The following SLC1A7 variants were observed in gnomAD, a reference collection of about 807,000 sequenced individuals.
SLC1A7 encodes solute carrier family 1 member 7.
SLC1A7 carries 40 observed loss-of-function variants against 47.7 expected under a neutral mutation model. The ratio of observed to expected loss-of-function variants is 0.84; its 90% CI spans 0.65 to 1.09. The LOEUF (loss-of-function observed/expected upper bound fraction) is 1.09. Among genes scored for constraint, SLC1A7 ranks in the 50% least tolerant of loss-of-function variants. SLC1A7 has a pLI of 0.00. For synonymous variants in SLC1A7, 323 were observed against 325.6 expected (o/e 0.99, Z 0.09); for missense variants, 746 against 769.5 (o/e 0.97, Z 0.36).
intron 4 of SLC1A7, among the ~76,000 whole-genome samples, chr1:53,104,609 T>C (rs1644618995): frequency 6.6e-6 from 1 of 152,150 alleles, no homozygotes; most frequent in African/African-American, 2.4e-5. Context: ...CAATAGAAAC[T>C]CCCTAGCCTA....
At chr1:53,134,790 T>C (rs1416808768) in intron 1 of SLC1A7, among the ~76,000 whole-genome samples, 2 of 152,088 alleles carry the variant, frequency 1.3e-5, no homozygotes, top group South Asian at 2.1e-4. Context: ...CTGAACCCTG[T>C]GGACGTTGTT....
At chr1:53,140,160 G>A (rs1199996539) in intron 1 of SLC1A7, among the ~76,000 whole-genome samples, 2 of 152,150 alleles carry the variant, frequency 1.3e-5, no homozygotes, top group Non-Finnish European at 2.9e-5. Flanking sequence ...CCAAATAATT[G>A]TTCTAAGCCT....
rs1572350284 is a variant in SLC1A7, at chr1:53,134,554, A to G, written c.136-125T>C. ...TGTCTAGCACATGGCAGCAGAGACC[A>G]TGGAGAAAGAACTGGCTTTGGAGCC... On this transcript the variant is annotated intron_variant, in intron 1 of 10. Transcript: ENST00000371494. 4 of 558,470 alleles carry G rather than the reference A, an allele frequency of 7.2e-6. No individual in the cohort carries two copies. In the South Asian group the frequency reaches 1.1e-4, roughly 15 times the overall value. 34.6% of individuals were successfully genotyped at this position (558,470 alleles called of 1,614,324 possible). A position where few individuals can be genotyped will look rare whatever the true frequency, so the allele number is the denominator to read the frequency against.
intron 2 of SLC1A7, among the ~76,000 whole-genome samples, chr1:53,129,994 G>A (rs528901147): frequency 6.6e-6 from 1 of 152,250 alleles, no homozygotes; most frequent in Middle Eastern, 3.4e-3. Context: ...TGGCTCTTCC[G>A]AATAGGGATA....
intron 5 of SLC1A7, among the ~76,000 whole-genome samples, chr1:53,095,118 G>A (rs539123168): frequency 2.6e-5 from 4 of 151,098 alleles, no homozygotes; most frequent in African/African-American, 9.7e-5. Context: ...CCAGGCACAC[G>A]CTGATGCGGG....
intron 4 of SLC1A7, among the ~76,000 whole-genome samples, chr1:53,104,227 C>T (rs1644614819): frequency 6.6e-6 from 1 of 152,204 alleles, no homozygotes; most frequent in Non-Finnish European, 1.5e-5. Context: ...TCCTTTTCCT[C>T]CTCTGTAAAA....
At chr1:53,093,431 G>A (rs997196597) in intron 6 of SLC1A7, 30 bp downstream of exon 6, 40 of 1,528,356 alleles carry the variant, frequency 2.6e-5, no homozygotes, top group African/African-American at 5.4e-5. Context: ...AGGGCTGGCC[G>A]GGGTGAGGTG....
intron 1 of SLC1A7, among the ~76,000 whole-genome samples, chr1:53,141,563 C>T (rs1450941134): frequency 2.0e-5 from 3 of 152,120 alleles, no homozygotes; most frequent in Non-Finnish European, 4.4e-5. Context: ...GGAAACGCAG[C>T]TTCTTCATGG....
Position 53,117,077 on chromosome 1 carries a change from T to A in SLC1A7, c.216-2104A>T, listed in dbSNP as rs538991585. Among the ~76,000 whole-genome samples, 14 of 152,216 alleles carry A rather than the reference T, an allele frequency of 9.2e-5. No homozygotes were observed. The South Asian group carries it at 1.9e-3, about 20-fold the overall frequency. ...CAGAGAAGGGGGAATCACTTCGAGC[T>A]AGGAAAGTCAGGAAGGGCTCCCTGG... On this transcript the variant is annotated intron_variant, in intron 2 of 10. Coordinates refer to ENST00000371494, the MANE Select transcript of SLC1A7 (RefSeq NM_006671.6).
chr1:53,108,964 T>C (rs1368050542), intron 3 of SLC1A7, among the ~76,000 whole-genome samples: 1 of 152,236 alleles, frequency 6.6e-6, no homozygotes, highest in Non-Finnish European at 1.5e-5. Flanking sequence ...CTTTTGGCTT[T>C]GAGCCTTCAC....
Position 53,111,653 on chromosome 1 carries a change from G to A in SLC1A7, c.431+3105C>T, listed in dbSNP as rs900667292. On this transcript the variant is annotated intron_variant, in intron 3 of 10. Transcript: ENST00000371494. Reference sequence around the variant, plus strand: ...GATGTCAGACCAAGATGGGCAGGGCGAGAAAAGGGCAGATTTATGGAGAAA... The same window carrying A: ...GATGTCAGACCAAGATGGGCAGGGCAAGAAAAGGGCAGATTTATGGAGAAA... Among the ~76,000 whole-genome samples, 7 of 152,320 alleles carry A rather than the reference G, an allele frequency of 4.6e-5. No homozygotes were observed. In the South Asian group the frequency reaches 1.0e-3, roughly 23 times the overall value.
Position 53,090,642 on chromosome 1 carries a change from T to A in SLC1A7, c.1196A>T (p.Glu399Val), listed in dbSNP as rs1557665438. Residue 399 changes from glutamate (E) to valine (V), a missense_variant, in exon 8 of 11, where the codon GAG (glutamate) becomes GTG (valine). Glu to Val is a moderately radical substitution (Grantham distance 121). Transcript: ENST00000371494. ...GGTGATGATCTGGCCAAAGTCCAGC[T>A]CGTAGTTGTTGACCTGGGCGATGAA... Reference protein sequence around the residue: ...AIFIAQVNNYELDFGQIITIS... With the variant: ...AIFIAQVNNYVLDFGQIITIS... 1 of 1,605,764 alleles carries A rather than the reference T, an allele frequency of 6.2e-7. No homozygotes were observed. The highest frequency in any genetic ancestry group is 8.5e-7 in the Non-Finnish European group (1 of 1,174,350).
intron 5 of SLC1A7, among the ~76,000 whole-genome samples, chr1:53,095,143 G>T (rs1356023822): frequency 6.6e-6 from 1 of 150,848 alleles, no homozygotes; most frequent in Non-Finnish European, 1.5e-5. Context: ...CAGGAATGCA[G>T]CTGCACCCAG....
chr1:53,134,060 G>A (rs1356439516), intron 2 of SLC1A7, among the ~76,000 whole-genome samples: 1 of 152,130 alleles, frequency 6.6e-6, no homozygotes, highest in Non-Finnish European at 1.5e-5. Context: ...CCTCTGGGAA[G>A]CCAACCCTCA....
intron 2 of SLC1A7, among the ~76,000 whole-genome samples, chr1:53,132,959 G>A (rs900141797): frequency 3.5e-4 from 53 of 152,322 alleles, no homozygotes; most frequent in African/African-American, 1.2e-3. Flanking sequence ...CTCCATCTGG[G>A]GGCATTGGGC....
chr1:53,125,415 G>C (rs1644871947), intron 2 of SLC1A7, among the ~76,000 whole-genome samples: 1 of 152,146 alleles, frequency 6.6e-6, no homozygotes, highest in Admixed American at 6.5e-5. Flanking sequence ...GAGATCTGCA[G>C]AGTTATGGAA....
Position 53,142,422 on chromosome 1 carries a change from C to A in SLC1A7, c.28G>T (p.Gly10Trp), listed in dbSNP as rs745715389. 1 of 1,612,828 alleles carries A rather than the reference C, an allele frequency of 6.2e-7. No individual in the cohort carries two copies. The highest frequency in any genetic ancestry group is 8.5e-7 in the Non-Finnish European group (1 of 1,179,586). Residue 10 changes from glycine to tryptophan, a missense_variant, in exon 1 of 11, where the codon GGG becomes TGG. Transcript: ENST00000371494. Reference protein sequence around the residue: MVPHAILARGRDVCRRNGLL... With the variant: MVPHAILARWRDVCRRNGLL... ...CCATTCCGCCTGCACACGTCCCTCC[C>A]CCGTGCCAAGATGGCATGCGGCACC...
chr1:53,090,700 C>G lies in SLC1A7; in HGVS notation c.1138G>C (p.Gly380Arg). The G allele has an allele frequency of 6.2e-7, 1 of 1,614,088 alleles. No individual in the cohort carries two copies. Among genetic ancestry groups the G allele is most frequent in the South Asian group, 1.1e-5 (1 of 91,076 alleles). Residue 380 changes from glycine to arginine, a missense_variant, in exon 8 of 11, where the codon GGC (glycine) becomes CGC (arginine). Gly to Arg is a moderately radical substitution (Grantham distance 125). Transcript: ENST00000371494. ...LPVGATINMD[G>R]TALYEAVAAI... ...GCCACAGCCTCGTAGAGCGCAGTGC[C>G]GTCCATGTTGATGGTGGCACCCACG... is the stretch of plus-strand genomic sequence containing the variant.
Position 53,114,807 on chromosome 1 carries a change from T to G in SLC1A7, c.382A>C (p.Ser128Arg). The stretch of plus-strand genomic sequence containing the variant: ...GCTGAGCTCATGATGGGCTTCCCAC[T>G]CTGCTCCGTGGTCTCCTTCTGGGCC... ...SAAQKETTEQ[S>R]GKPIMSSADA... Residue 128 changes from serine (S) to arginine (R), a missense_variant, in exon 3 of 11, where the codon AGT (serine) becomes CGT (arginine). Transcript: ENST00000371494. 1.2e-6 allele frequency: 2 copies of G among 1,614,166 alleles called. No homozygotes were observed. Among genetic ancestry groups the G allele is most frequent in the Non-Finnish European group, 1.7e-6 (2 of 1,180,014 alleles).
Sources: gnomAD v4.1 joint callset for allele counts (sites outside exome capture counted in the v4.1 genomes callset) on GRCh38, gnomAD v4.1.1 for gene constraint, MANE v1.5 for transcripts, NCBI Gene and HGNC (gene_info 2026-07-23, HGNC 2026-07-21) for gene names.